HELZ: variants seen among roughly 807,000 people sequenced by gnomAD.
The protein encoded by HELZ is helicase with zinc finger.
In HELZ, 23 loss-of-function variants were observed where a neutral mutation model predicts 218.2. The observed-to-expected ratio is 0.11, with a 90% CI of 0.08 to 0.15. The LOEUF (loss-of-function observed/expected upper bound fraction) is 0.15. Ranked by LOEUF, HELZ falls within the 10% of genes least tolerant of loss-of-function variation. The pLI is 1.00. For missense variants in HELZ, 1,813 were observed against 2,353.7 expected (o/e 0.77, Z 4.75); for synonymous variants, 814 against 829.4 (o/e 0.98, Z 0.32).
At chr17:67,186,063 C>A (rs2039745703) in intron 12 of HELZ, among the ~76,000 whole-genome samples, 1 of 152,104 alleles carries the variant, frequency 6.6e-6, no homozygotes, top group South Asian at 2.1e-4. Context: ...CCAACATCTG[C>A]AGGCACTGTG....
At chr17:67,180,621 T>C (rs904172296) in intron 12 of HELZ, among the ~76,000 whole-genome samples, 8 of 152,142 alleles carry the variant, frequency 5.3e-5, no homozygotes, top group African/African-American at 1.9e-4. Flanking sequence ...CTCAAACCTG[T>C]AATCCTAGCA....
In HELZ at chr17:67,070,540, G is replaced by C. The variant is rs1162130023; in HGVS notation, c.*7712C>G. 6.6e-6 allele frequency: 1 copy of C among 152,136 alleles called. No individual in the cohort carries two copies. Among genetic ancestry groups the C allele is most frequent in the African/African-American group, 2.4e-5 (1 of 41,420 alleles). The allele number at this position is 152,136 out of a possible 1,614,324, so 9.4% of individuals were successfully genotyped here. ...TTTGAAAACAAAAGAACTTCACTGA[G>C]ACAATGAGCACACTGTAGGAACTGT... is the stretch of plus-strand genomic sequence containing the variant. On this transcript the variant is annotated 3_prime_UTR_variant, in exon 33 of 33. Transcript: ENST00000358691.
rs187658199 is a variant in HELZ at position 67,126,640 on chromosome 17, G to A, written c.3387+2011C>T. On this transcript the variant is annotated intron_variant, in intron 24 of 32. Transcript: ENST00000358691. ...AAGGCAGGCGGATCACTTGAGGTCA[G>A]GAGTTTGAGACCAGCCTGGCCAACG... Among the ~76,000 whole-genome samples the A allele has an allele frequency of 7.4e-4, 113 of 152,076 alleles. 1 individual carries two copies. The highest frequency in any genetic ancestry group is 2.7e-3 in the African/African-American group (111 of 41,514).
chr17:67,082,407 C>T (rs2036222881), intron 32 of HELZ, among the ~76,000 whole-genome samples: 1 of 152,226 alleles, frequency 6.6e-6, no homozygotes, highest in Admixed American at 6.5e-5. Flanking sequence ...AGCTACTTCA[C>T]ACTCCATATG....
At chr17:67,118,608 C>T (rs1379906527) in intron 27 of HELZ, among the ~76,000 whole-genome samples, 3 of 138,128 alleles carry the variant, frequency 2.2e-5, no homozygotes, top group African/African-American at 8.2e-5. Flanking sequence ...CCCAGATACT[C>T]AGGAGGCTGA....
intron 5 of HELZ, among the ~76,000 whole-genome samples, chr17:67,204,849 A>G (rs1004357835): frequency 2.0e-5 from 3 of 152,188 alleles, no homozygotes; most frequent in Non-Finnish European, 4.4e-5. Flanking sequence ...GGTATCATTA[A>G]GAATGTCTTG....
Position 67,188,291 on chromosome 17 carries a change from T to A in HELZ, c.1162+28A>T, listed in dbSNP as rs1321217359. Reference sequence around the variant, plus strand: ...TTGAATGTTGCTTTTTAACACATTGTATCGGGGGAAAAAAGTCTAAATATT... The same window carrying A: ...TTGAATGTTGCTTTTTAACACATTGAATCGGGGGAAAAAAGTCTAAATATT... On this transcript the variant is annotated intron_variant, in intron 12 of 32. Coordinates refer to ENST00000358691, the MANE Select transcript of HELZ (RefSeq NM_014877.4). The surrounding 1 kb of genome is among the most constrained non-coding windows in gnomAD (Gnocchi z 4.1). The A allele has an allele frequency of 6.3e-7, 1 of 1,575,658 alleles. No homozygotes were observed. Among genetic ancestry groups the A allele is most frequent in the Non-Finnish European group, 8.6e-7 (1 of 1,156,120 alleles).
intron 2 of HELZ, among the ~76,000 whole-genome samples, chr17:67,242,158 G>C (rs567038204): frequency 1.3e-5 from 2 of 152,318 alleles, no homozygotes; most frequent in African/African-American, 4.8e-5. Flanking sequence ...GCTCACGCTT[G>C]TAATCCCAGC....
intron 24 of HELZ, among the ~76,000 whole-genome samples, chr17:67,126,619 C>T (rs1002369922): frequency 6.6e-6 from 1 of 152,074 alleles, no homozygotes; most frequent in African/African-American, 2.4e-5. Flanking sequence ...GAGGTCAAGG[C>T]AGGCGGATCA....
intron 20 of HELZ, 109 bp downstream of exon 20, chr17:67,148,460 T>C (rs1294746753): frequency 2.4e-6 from 2 of 837,380 alleles, no homozygotes. Context: ...CTAGGGACAC[T>C]ATGTAAGTGT....
At chr17:67,191,987 T>C (rs1384789533) in intron 9 of HELZ, among the ~76,000 whole-genome samples, 1 of 151,744 alleles carries the variant, frequency 6.6e-6, no homozygotes, top group Non-Finnish European at 1.5e-5. Flanking sequence ...GCGCATCACC[T>C]GAGGTCGGGA....
Position 67,108,795 on chromosome 17 carries a change from C to G in HELZ, c.4490-69G>C. On this transcript the variant is annotated intron_variant, in intron 29 of 32. Transcript: ENST00000358691. This position sits in a 1 kb window ranked among gnomAD's most constrained non-coding sequence, Gnocchi z 4.1. ...CAAGTTCATTATTTAAAGTTTTTTA[C>G]TAACATATTTTCTCCACAAAGACAA... 1 of 1,197,662 alleles carries G rather than the reference C, an allele frequency of 8.3e-7. No homozygotes were observed. The highest frequency in any genetic ancestry group is 2.4e-5 in the Admixed American group (1 of 41,936). 74.2% of individuals were successfully genotyped at this position (1,197,662 alleles called of 1,614,324 possible).
At chr17:67,167,948 G>A (rs984399066) in intron 13 of HELZ, 152 bp from the exon 14 acceptor site, 1 of 623,918 alleles carries the variant, frequency 1.6e-6, no homozygotes, top group East Asian at 3.0e-5. Flanking sequence ...GTATTTTTCT[G>A]CCTTTAATAC....
chr17:67,229,850 A>G (rs2040989153), intron 3 of HELZ, among the ~76,000 whole-genome samples: 1 of 152,240 alleles, frequency 6.6e-6, no homozygotes, highest in African/African-American at 2.4e-5. Context: ...TCTAAAACAT[A>G]AAATCACTGA....
chr17:67,169,302 C>T (rs917660577), intron 13 of HELZ, among the ~76,000 whole-genome samples: 1 of 152,130 alleles, frequency 6.6e-6, no homozygotes, highest in Non-Finnish European at 1.5e-5. Flanking sequence ...TTATAAAGAA[C>T]AGAGATTTAT....
At chr17:67,136,369 G>A (rs2038150777) in intron 22 of HELZ, among the ~76,000 whole-genome samples, 171 bp from the exon 23 acceptor site, 1 of 152,226 alleles carries the variant, frequency 6.6e-6, no homozygotes, top group Non-Finnish European at 1.5e-5. Context: ...TGGTACAGCT[G>A]CTGTGGAAAA....
chr17:67,155,186 G>C (rs561001971), intron 17 of HELZ, among the ~76,000 whole-genome samples: 1 of 152,134 alleles, frequency 6.6e-6, no homozygotes, highest in East Asian at 1.9e-4. Context: ...TCAAGAAAGA[G>C]GAAGACCTAA....
At chr17:67,187,853 C>A (rs2039797823) in intron 12 of HELZ, among the ~76,000 whole-genome samples, 1 of 152,162 alleles carries the variant, frequency 6.6e-6, no homozygotes, top group Non-Finnish European at 1.5e-5. Context: ...AGTGGATGCA[C>A]AAACTGATTT....
chr17:67,162,131 C>T (rs1357624009), intron 15 of HELZ, among the ~76,000 whole-genome samples: 1 of 152,082 alleles, frequency 6.6e-6, no homozygotes, highest in Non-Finnish European at 1.5e-5. Context: ...GAAATTATAA[C>T]CTGGCCAGGC....
Sources: allele counts gnomAD v4.1 joint callset (sites outside exome capture counted in the v4.1 genomes callset), GRCh38; gene constraint gnomAD v4.1.1; non-coding constraint Gnocchi (gnomAD v3.1); transcripts MANE v1.5; gene names NCBI Gene and HGNC (gene_info 2026-07-23, HGNC 2026-07-21).